The following CNOT6L variants were observed in gnomAD, a reference collection of about 807,000 sequenced individuals.
CNOT6L encodes the protein CCR4-NOT transcription complex subunit 6 like.
CNOT6L carries 7 observed loss-of-function variants against 64.0 expected under a neutral mutation model. The ratio of observed to expected loss-of-function variants is 0.11; its 90% confidence interval spans 0.06 to 0.21. The LOEUF is 0.21. Ranked by LOEUF, CNOT6L falls within the 10% of genes least tolerant of loss-of-function variation. The pLI, the probability that CNOT6L is intolerant of heterozygous loss-of-function variation, is 1.00. For synonymous variants in CNOT6L, 193 were observed against 243.4 expected, an observed-to-expected ratio of 0.79 and a Z score of 1.93; for missense variants, 245 against 669.0, an observed-to-expected ratio of 0.37 and a Z score of 6.99.
rs187078942 is a variant in CNOT6L, at chr4:77,714,084, A to C, written c.*6347T>G. 2 of 152,608 alleles carry C rather than the reference A, an allele frequency of 1.3e-5. No individual in the cohort carries two copies. Among genetic ancestry groups the C allele is most frequent in the Non-Finnish European group, 2.9e-5 (2 of 68,026 alleles). 9.5% of individuals were successfully genotyped at this position (152,608 alleles called of 1,614,324 possible). A position where few individuals can be genotyped will look rare whatever the true frequency, so the allele number is the denominator to read the frequency against. On this transcript the variant is annotated 3_prime_UTR_variant, in exon 12 of 12. Transcript: ENST00000504123. ...TTTTGGAATAGTATCAATGGAAACT[A>C]CCAAGTATTCAGGGAAAAAGTTACT...
At chr4:77,806,502 G>C (rs905910318) in intron 1 of CNOT6L, among the ~76,000 whole-genome samples, 3 of 151,824 alleles carry the variant, frequency 2.0e-5, no homozygotes, top group Non-Finnish European at 4.4e-5. Flanking sequence ...GTCTTTAATA[G>C]TAGTACTGAT....
intron 11 of CNOT6L, among the ~76,000 whole-genome samples, chr4:77,721,463 G>A (rs1401473032): frequency 1.3e-5 from 2 of 152,038 alleles, no homozygotes; most frequent in African/African-American, 4.8e-5. Flanking sequence ...AGCCCAAGTA[G>A]GGAGAAATAT....
At chr4:77,818,157 G>A (rs1733779493) in intron 1 of CNOT6L, among the ~76,000 whole-genome samples, 1 of 152,164 alleles carries the variant, frequency 6.6e-6, no homozygotes, top group Non-Finnish European at 1.5e-5. Flanking sequence ...GAGGCAATAC[G>A]GTAAAATGTA....
At chr4:77,731,349 T>C in intron 9 of CNOT6L, 38 bp downstream of exon 9, 1 of 1,583,484 alleles carries the variant, frequency 6.3e-7, no homozygotes, top group South Asian at 1.1e-5. Context: ...CTTGGGATGG[T>C]GTTTATTTTT....
At chr4:77,738,493 C>G (rs996013621) in intron 8 of CNOT6L, among the ~76,000 whole-genome samples, 2 of 152,130 alleles carry the variant, frequency 1.3e-5, no homozygotes, top group African/African-American at 2.4e-5. Flanking sequence ...GTTGCTCACG[C>G]CTGTAATCCC....
chr4:77,808,812 C>T (rs767772862), intron 1 of CNOT6L, among the ~76,000 whole-genome samples: 3 of 152,128 alleles, frequency 2.0e-5, no homozygotes, highest in Non-Finnish European at 4.4e-5. Context: ...TATGTCATAG[C>T]ACTTAATGTT....
intron 1 of CNOT6L, among the ~76,000 whole-genome samples, chr4:77,789,747 T>C (rs1374400035): frequency 6.6e-6 from 1 of 151,858 alleles, no homozygotes; most frequent in Middle Eastern, 3.4e-3. Flanking sequence ...GCTCAGGAGT[T>C]TGAGACCAGC....
At chr4:77,760,859 G>GTTTT (rs1205413604) in intron 4 of CNOT6L, among the ~76,000 whole-genome samples, 2 of 37,170 alleles carry the variant, frequency 5.4e-5, no homozygotes, top group African/African-American at 9.2e-5. Context: ...ACCATGCCTG[G>GTTTT]CTTTTTTTTT....
At chr4:77,791,745 A>G (rs1730170374) in intron 1 of CNOT6L, among the ~76,000 whole-genome samples, 1 of 152,076 alleles carries the variant, frequency 6.6e-6, no homozygotes, top group Non-Finnish European at 1.5e-5. Context: ...AATGGTAGGT[A>G]TTTTTGACTG....
At chr4:77,780,536 T>C (rs1376044288) in intron 1 of CNOT6L, among the ~76,000 whole-genome samples, 1 of 152,168 alleles carries the variant, frequency 6.6e-6, no homozygotes, top group Non-Finnish European at 1.5e-5. Context: ...CTGCTTTGAG[T>C]CTGCCATCCA....
chr4:77,718,483 TTTTG>T lies in CNOT6L; in HGVS notation c.*1944_*1947del, dbSNP rs1390168588. The T allele has an allele frequency of 2.0e-5, 3 of 152,732 alleles. No homozygotes were observed. Among genetic ancestry groups the T allele is most frequent in the East Asian group, 1.9e-4 (1 of 5,188 alleles). 9.5% of individuals were successfully genotyped at this position (152,732 alleles called of 1,614,324 possible). On this transcript the variant is annotated 3_prime_UTR_variant, in exon 12 of 12. Transcript: ENST00000504123. ...ATCTGTCATCTTAAGGGTTGTTTCT[TTTTG>T]TTTGTTTATCCTGGTACTTTAACAT...
intron 5 of CNOT6L, among the ~76,000 whole-genome samples, chr4:77,754,197 G>T (rs1725195796): frequency 1.3e-5 from 2 of 152,118 alleles, no homozygotes; most frequent in Non-Finnish European, 1.5e-5. Context: ...TAGCAAAGTG[G>T]TTGAATATGT....
chr4:77,722,406 C>CA (rs796108424), intron 11 of CNOT6L, among the ~76,000 whole-genome samples: 63 of 151,708 alleles, frequency 4.2e-4, no homozygotes, highest in Middle Eastern at 3.4e-3. Context: ...ACTAAAAATA[C>CA]AAAAAAAATG....
At chr4:77,808,908 T>G (rs568204698) in intron 1 of CNOT6L, among the ~76,000 whole-genome samples, 1 of 152,308 alleles carries the variant, frequency 6.6e-6, no homozygotes, top group East Asian at 1.9e-4. Flanking sequence ...TATAAGAGTG[T>G]TTTAAATTCA....
At chr4:77,730,557 T>G (rs544107198) in intron 9 of CNOT6L, among the ~76,000 whole-genome samples, 1 of 152,092 alleles carries the variant, frequency 6.6e-6, no homozygotes, top group Non-Finnish European at 1.5e-5. Flanking sequence ...AAGAATAAGA[T>G]TGTAAAGGAC....
At chr4:77,795,252 C>A (rs1489372842) in intron 1 of CNOT6L, among the ~76,000 whole-genome samples, 1 of 152,044 alleles carries the variant, frequency 6.6e-6, no homozygotes, top group Non-Finnish European at 1.5e-5. Flanking sequence ...CTCCTGACCT[C>A]AGGTGATCCA....
chr4:77,726,803 A>G (rs552106444), intron 10 of CNOT6L, among the ~76,000 whole-genome samples: 28 of 152,376 alleles, frequency 1.8e-4, no homozygotes, highest in African/African-American at 6.3e-4. Context: ...ATATTAATAA[A>G]AATAGTTTAC....
intron 6 of CNOT6L, among the ~76,000 whole-genome samples, chr4:77,745,252 C>G (rs548971066): frequency 1.9e-4 from 29 of 152,312 alleles, no homozygotes; most frequent in Admixed American, 6.5e-4. Flanking sequence ...CTCATTACCT[C>G]TTATTAACAA....
chr4:77,774,954 G>A (rs1224559069), intron 2 of CNOT6L, among the ~76,000 whole-genome samples: 1 of 152,190 alleles, frequency 6.6e-6, no homozygotes, highest in Non-Finnish European at 1.5e-5. Flanking sequence ...TGTATTAAAT[G>A]AGAAGTGGCA....
Sources: gnomAD v4.1 joint callset for allele counts (sites outside exome capture counted in the v4.1 genomes callset) on GRCh38, gnomAD v4.1.1 for gene constraint, MANE v1.5 for transcripts, NCBI Gene and HGNC (gene_info 2026-07-23, HGNC 2026-07-21) for gene names.